Variants in CCP110 observed in about 807,000 individuals in gnomAD.
CCP110 encodes centriolar coiled-coil protein 110, also known as centriolar coiled-coil protein of 110 kDa.
CCP110 carries 43 observed loss-of-function variants against 105.5 expected under a neutral mutation model. That is an observed-to-expected ratio of 0.41 (90% CI 0.32 to 0.53). The LOEUF (loss-of-function observed/expected upper bound fraction) is 0.53, where lower values mean the gene tolerates loss of function less well. Among genes scored for constraint, CCP110 ranks in the 20% least tolerant of loss-of-function variants. CCP110 has a pLI of 0.32. For missense variants in CCP110, 1,016 were observed against 1,189.1 expected (o/e 0.85, Z 2.14); for synonymous variants, 353 against 392.1 (o/e 0.90, Z 1.18).
intron 2 of CCP110, among the ~76,000 whole-genome samples, chr16:19,531,965 C>CAA (rs35419402): frequency 2.1e-3 from 171 of 80,014 alleles, no homozygotes; most frequent in African/African-American, 2.1e-3. Flanking sequence ...GACTCCATCT[C>CAA]AAAAAAAAAA....
At chr16:19,537,479 A>G in exon 4 of CCP110, 1 of 1,612,296 alleles carries the variant, frequency 6.2e-7, no homozygotes, top group Middle Eastern at 1.6e-4. Flanking sequence ...CCCTTATGTC[A>G]TAACAAGTGG....
At chr16:19,540,816 G>A (rs764340557) in intron 5 of CCP110, 29 bp downstream of exon 5, 2 of 1,598,720 alleles carry the variant, frequency 1.3e-6, no homozygotes, top group East Asian at 2.2e-5. Flanking sequence ...GATACAACTG[G>A]TAAGTGAAAT....
exon 13 of CCP110, chr16:19,547,971 C>A (rs769270708): frequency 1.2e-6 from 2 of 1,611,178 alleles, no homozygotes; most frequent in South Asian, 1.1e-5. Context: ...TCAGCCAAAC[C>A]AAGGACAGAA....
At chr16:19,538,420 G>A (rs1262362951) in intron 4 of CCP110, among the ~76,000 whole-genome samples, 3 of 137,088 alleles carry the variant, frequency 2.2e-5, no homozygotes, top group South Asian at 2.3e-4. Context: ...ATTGATTTTC[G>A]TGCCTCAGCC....
chr16:19,525,547 T>G (rs1360327869), intron 1 of CCP110: 1 of 152,218 alleles, frequency 6.6e-6, no homozygotes, highest in African/African-American at 2.4e-5. Flanking sequence ...CCTTTGCAGT[T>G]TAAGAGGTAC....
intron 4 of CCP110, among the ~76,000 whole-genome samples, chr16:19,539,724 C>G (rs1245335691): frequency 1.3e-5 from 2 of 151,898 alleles, no homozygotes; most frequent in Non-Finnish European, 2.9e-5. Flanking sequence ...CTTGGATCCT[C>G]CAAGTAGATA....
intron 8 of CCP110, among the ~76,000 whole-genome samples, chr16:19,543,262 T>C (rs1462583259): frequency 6.6e-6 from 1 of 152,250 alleles, no homozygotes; most frequent in Non-Finnish European, 1.5e-5. Context: ...TATAATTTCT[T>C]ACTCCTGTCT....
intron 6 of CCP110, 27 bp downstream of exon 6, chr16:19,542,091 T>G: frequency 1.4e-6 from 2 of 1,444,878 alleles, no homozygotes; most frequent in Non-Finnish European, 1.9e-6. Flanking sequence ...CCTTTTACAT[T>G]TGGGAAAGTG....
At chr16:19,545,262 G>T in intron 10 of CCP110, 52 bp downstream of exon 10, 1 of 988,980 alleles carries the variant, frequency 1.0e-6, no homozygotes. Context: ...TAGGGTAATT[G>T]ATACTAAATG....
intron 4 of CCP110, 39 bp downstream of exon 4, chr16:19,537,626 A>G: frequency 8.7e-7 from 1 of 1,148,296 alleles, no homozygotes; most frequent in Middle Eastern, 2.7e-4. Context: ...TTCTATGCAG[A>G]TACCTTTATT....
chr16:19,540,852 G>C (rs1970252456), intron 5 of CCP110, 65 bp downstream of exon 5: 2 of 1,511,392 alleles, frequency 1.3e-6, no homozygotes, highest in Non-Finnish European at 1.8e-6. Flanking sequence ...TATGAATTTT[G>C]GTCATGTATA....
chr16:19,528,000 G>C, exon 2 of CCP110: 1 of 1,612,450 alleles, frequency 6.2e-7, no homozygotes, highest in Non-Finnish European at 8.5e-7. Flanking sequence ...CGCTTTCATG[G>C]AGTGGCTATC....
At chr16:19,532,364 T>C (rs1969899420) in intron 2 of CCP110, 52 bp from the exon 3 acceptor site, 1 of 1,481,800 alleles carries the variant, frequency 6.7e-7, no homozygotes, top group African/African-American at 1.4e-5. Context: ...ACTTCCCGAT[T>C]TTATGATATT....
intron 14 of CCP110, 48 bp from the exon 14 acceptor site, chr16:19,551,148 T>C (rs376478362): frequency 1.7e-5 from 19 of 1,111,358 alleles, no homozygotes; most frequent in Non-Finnish European, 2.4e-5. Context: ...GGTATCATTA[T>C]AGAAAACCTC....
intron 2 of CCP110, among the ~76,000 whole-genome samples, chr16:19,530,122 G>A (rs923623879): frequency 4.0e-5 from 6 of 151,892 alleles, no homozygotes; most frequent in Non-Finnish European, 7.4e-5. Flanking sequence ...ACCTGAGCCC[G>A]GGAGGCTGAG....
At position 19,539,956 on chromosome 16, in the gene CCP110, T is replaced by G. The variant is rs182710568; in HGVS notation, c.1919-701T>G. Among the ~76,000 whole-genome samples, 29 of 152,044 alleles carry G rather than the reference T, an allele frequency of 1.9e-4. 1 individual carries two copies. The highest frequency in any genetic ancestry group is 6.5e-4 in the African/African-American group (27 of 41,492). On this transcript the variant is annotated intron_variant, in intron 4 of 14. Transcript: ENST00000381396. Reference sequence around the variant, plus strand: ...CTGAGATTACAGGCATGCGCTTGTATTTTTTCAGTAGAGATTCGGTTTCAC... The same window carrying G: ...CTGAGATTACAGGCATGCGCTTGTAGTTTTTCAGTAGAGATTCGGTTTCAC...
intron 10 of CCP110, 130 bp from the exon 11 acceptor site, chr16:19,545,685 CAA>C (rs1970434929): frequency 1.6e-6 from 1 of 612,452 alleles, no homozygotes; most frequent in Admixed American, 3.1e-5. Context: ...AAATACAAAA[CAA>C]GATGATTTAA....
At position 19,533,384 on chromosome 16, in the gene CCP110, A is replaced by G. The variant is rs186830460; in HGVS notation, c.270+840A>G. ...AGGAAAAAGAGACAAAAGTTACAGTAGAATCTGTGGCTTATGCTTTTCCAG... is the reference window on the plus strand; with the variant it reads ...AGGAAAAAGAGACAAAAGTTACAGTGGAATCTGTGGCTTATGCTTTTCCAG... On this transcript the variant is annotated intron_variant, in intron 3 of 14. Coordinates refer to ENST00000381396, the Ensembl canonical transcript of CCP110. Among the ~76,000 whole-genome samples, 206 of 152,324 alleles carry G rather than the reference A, an allele frequency of 1.4e-3. 2 individuals are homozygous for G. Among genetic ancestry groups the G allele is most frequent in the African/African-American group, 4.8e-3 (199 of 41,572 alleles).
At chr16:19,553,152 G>A (rs561358423) in exon 15 of CCP110, 1 of 152,312 alleles carries the variant, frequency 6.6e-6, no homozygotes, top group South Asian at 2.1e-4. Flanking sequence ...GAGTAAGGAT[G>A]AGAAACTTGA....
Sources: allele counts gnomAD v4.1 joint callset (sites outside exome capture counted in the v4.1 genomes callset), GRCh38; gene constraint gnomAD v4.1.1; transcripts MANE v1.5; gene names NCBI Gene and HGNC (gene_info 2026-07-23, HGNC 2026-07-21).